The following ENTREP2 variants were observed in gnomAD, a reference collection of about 807,000 sequenced individuals.
ENTREP2 encodes the protein endosomal transmembrane epsin interactor 2, also known as protein ENTREP2.
chr15:29,131,289 A>G, the ENTREP2 span, among the ~76,000 whole-genome samples: 1 of 151,916 alleles, frequency 6.6e-6, no homozygotes, highest in African/African-American at 2.4e-5. Flanking sequence ...GTGGATCGTA[A>G]GTGTCAGGAC....
chr15:29,155,755 T>C, the ENTREP2 span, among the ~76,000 whole-genome samples: 1 of 152,178 alleles, frequency 6.6e-6, no homozygotes, highest in Non-Finnish European at 1.5e-5. Context: ...ACCTCATTTA[T>C]CACCCACCCC....
At chr15:29,636,377 C>A in the ENTREP2 span, among the ~76,000 whole-genome samples, 1 of 152,226 alleles carries the variant, frequency 6.6e-6, no homozygotes, top group African/African-American at 2.4e-5. Flanking sequence ...TGGCCCTTCA[C>A]CATGAGAACA....
At chr15:29,298,612 T>C in the ENTREP2 span, among the ~76,000 whole-genome samples, 1 of 152,074 alleles carries the variant, frequency 6.6e-6, no homozygotes. Context: ...AAAATTTAGA[T>C]AAAATGGAGG....
chr15:29,185,569 T>C, the ENTREP2 span, among the ~76,000 whole-genome samples: 2 of 152,158 alleles, frequency 1.3e-5, no homozygotes, highest in African/African-American at 2.4e-5. Context: ...TGGTCCCTTT[T>C]TATTTATTTA....
At chr15:29,658,477 A>G in the ENTREP2 span, among the ~76,000 whole-genome samples, 1 of 152,120 alleles carries the variant, frequency 6.6e-6, no homozygotes, top group South Asian at 2.1e-4. Context: ...CAAAAAGCGG[A>G]ATGGGGGAAG....
the ENTREP2 span, among the ~76,000 whole-genome samples, chr15:29,356,212 C>G: frequency 1.6e-5 from 2 of 125,776 alleles, no homozygotes; most frequent in Admixed American, 9.1e-5. Context: ...TTTGAAAAAT[C>G]AACAAGATGG....
the ENTREP2 span, among the ~76,000 whole-genome samples, chr15:29,658,680 C>T: frequency 6.6e-6 from 1 of 152,116 alleles, no homozygotes; most frequent in African/African-American, 2.4e-5. Flanking sequence ...ATACAACACC[C>T]AAGACTGATC....
At chr15:29,451,177 A>G in the ENTREP2 span, among the ~76,000 whole-genome samples, 1 of 152,222 alleles carries the variant, frequency 6.6e-6, no homozygotes, top group Non-Finnish European at 1.5e-5. Flanking sequence ...GTTCCCACTG[A>G]GCCTCTGGTG....
chr15:29,674,456 G>A, the ENTREP2 span, among the ~76,000 whole-genome samples: 1 of 152,004 alleles, frequency 6.6e-6, no homozygotes, highest in African/African-American at 2.4e-5. Flanking sequence ...TTTTAGTTGA[G>A]ACGGGGTTTC....
At chr15:29,563,478 T>G in the ENTREP2 span, among the ~76,000 whole-genome samples, 1 of 152,222 alleles carries the variant, frequency 6.6e-6, no homozygotes, top group Non-Finnish European at 1.5e-5. Flanking sequence ...TTTTCTGACA[T>G]CTCTCTGTTC....
At chr15:29,285,531 A>G in the ENTREP2 span, among the ~76,000 whole-genome samples, 5 of 152,258 alleles carry the variant, frequency 3.3e-5, no homozygotes, top group Non-Finnish European at 1.5e-5. Context: ...GAAGAATCAC[A>G]AAGTTTGAAT....
the ENTREP2 span, chr15:29,269,334 G>T: frequency 6.2e-7 from 1 of 1,614,062 alleles, no homozygotes; most frequent in Non-Finnish European, 8.5e-7. Flanking sequence ...TGAAGAGGTC[G>T]GGGAAGATGT....
chr15:29,185,158 C>A, the ENTREP2 span, among the ~76,000 whole-genome samples: 2 of 152,046 alleles, frequency 1.3e-5, no homozygotes, highest in Non-Finnish European at 2.9e-5. Context: ...GATATTGTCC[C>A]AGCATGTTGG....
chr15:29,254,951 G>A, the ENTREP2 span, among the ~76,000 whole-genome samples: 1,646 of 152,280 alleles, frequency 0.011, 17 homozygotes, highest in Non-Finnish European at 0.015. Context: ...AGAGGGGAGT[G>A]AGTTTGAGTC....
At chr15:29,256,172 A>C in the ENTREP2 span, among the ~76,000 whole-genome samples, 1 of 152,132 alleles carries the variant, frequency 6.6e-6, no homozygotes, top group African/African-American at 2.4e-5. Flanking sequence ...GACAACAGGC[A>C]CTGAGGACTC....
the ENTREP2 span, among the ~76,000 whole-genome samples, chr15:29,657,261 G>GT: frequency 6.6e-6 from 1 of 150,868 alleles, no homozygotes; most frequent in Non-Finnish European, 1.5e-5. Flanking sequence ...GGGTTTCACC[G>GT]TATTAGCCAG....
the ENTREP2 span, among the ~76,000 whole-genome samples, chr15:29,627,979 A>T: frequency 6.6e-6 from 1 of 152,168 alleles, no homozygotes; most frequent in African/African-American, 2.4e-5. Flanking sequence ...TCTGCTTTCC[A>T]TTCCGTGTAA....
At chr15:29,265,996 C>A in the ENTREP2 span, 1 of 152,074 alleles carries the variant, frequency 6.6e-6, no homozygotes, top group Non-Finnish European at 1.5e-5. Flanking sequence ...CACTAATGAT[C>A]GTAACACATT....
chr15:29,650,261 A>G, the ENTREP2 span, among the ~76,000 whole-genome samples: 2 of 152,098 alleles, frequency 1.3e-5, no homozygotes, highest in Non-Finnish European at 2.9e-5. Context: ...CATTTACTGG[A>G]GCAGTCATAA....
Sources: gnomAD v4.1 joint callset for allele counts (sites outside exome capture counted in the v4.1 genomes callset) on GRCh38, gnomAD v4.1.1 for gene constraint, MANE v1.5 for transcripts, NCBI Gene and HGNC (gene_info 2026-07-23, HGNC 2026-07-21) for gene names.